Variants in RSRC1 observed in about 807,000 individuals in gnomAD.
RSRC1 encodes the protein arginine and serine rich coiled-coil 1, also known as serine/Arginine-related protein 53.
A neutral mutation model predicts 49.1 loss-of-function variants in RSRC1; 39 were observed. That is an observed-to-expected ratio of 0.79 (90% CI 0.61 to 1.04). RSRC1 has a LOEUF of 1.04. Among genes scored for constraint, RSRC1 ranks in the 50% least tolerant of loss-of-function variants. The probability of loss-of-function intolerance (pLI) is 0.00; values close to 1 mark genes in which losing one functional copy is unlikely to be tolerated. For synonymous variants in RSRC1, 143 were observed against 130.8 expected (o/e 1.09, Z -0.63); for missense variants, 388 against 402.4 (o/e 0.96, Z 0.31).
chr3:158,194,419 A>T (rs1172425007), intron 3 of RSRC1, among the ~76,000 whole-genome samples: 2 of 152,128 alleles, frequency 1.3e-5, no homozygotes, highest in Middle Eastern at 3.4e-3. Flanking sequence ...TTATATTTAT[A>T]AACAGTGTTG....
At chr3:158,469,008 T>G (rs1248440814) in intron 7 of RSRC1, among the ~76,000 whole-genome samples, 1 of 152,150 alleles carries the variant, frequency 6.6e-6, no homozygotes, top group East Asian at 1.9e-4. Context: ...TTTTAAAAGT[T>G]TCTGTGACTC....
chr3:158,275,277 G>A (rs1374191480), intron 4 of RSRC1, among the ~76,000 whole-genome samples: 2 of 152,198 alleles, frequency 1.3e-5, no homozygotes, highest in African/African-American at 4.8e-5. Flanking sequence ...TGTGGAGACA[G>A]AGGCAGTTTT....
intron 7 of RSRC1, among the ~76,000 whole-genome samples, chr3:158,507,841 G>A (rs1021795042): frequency 2.0e-5 from 3 of 152,172 alleles, no homozygotes; most frequent in Admixed American, 1.3e-4. Flanking sequence ...GGGAGGCTGA[G>A]GCAGGAGGAA....
chr3:158,359,962 A>T (rs1731378872), intron 6 of RSRC1, among the ~76,000 whole-genome samples: 1 of 152,042 alleles, frequency 6.6e-6, no homozygotes, highest in South Asian at 2.1e-4. Flanking sequence ...TTCAGCTCTT[A>T]ACAGAGAGTA....
chr3:158,137,655 C>CAT (rs1553760021), intron 3 of RSRC1, among the ~76,000 whole-genome samples: 2 of 138,522 alleles, frequency 1.4e-5, no homozygotes, highest in Non-Finnish European at 3.1e-5. Flanking sequence ...TTTTCTTTTT[C>CAT]TTTTTTTTTT....
At chr3:158,518,136 A>ATATATG (rs1740690486) in intron 7 of RSRC1, among the ~76,000 whole-genome samples, 2 of 85,346 alleles carry the variant, frequency 2.3e-5, no homozygotes, top group African/African-American at 1.4e-4. Context: ...GTATATATAT[A>ATATATG]TATATATATA....
intron 6 of RSRC1, among the ~76,000 whole-genome samples, chr3:158,401,408 T>G (rs1295548877): frequency 6.6e-6 from 1 of 152,054 alleles, no homozygotes; most frequent in Non-Finnish European, 1.5e-5. Flanking sequence ...ACCATTTATT[T>G]CTTTGTTTAT....
intron 6 of RSRC1, among the ~76,000 whole-genome samples, chr3:158,442,636 A>C (rs1288789234): frequency 1.3e-5 from 2 of 152,050 alleles, no homozygotes; most frequent in Non-Finnish European, 2.9e-5. Context: ...ACCCCTGTTA[A>C]TGTTGCTATT....
chr3:158,524,881 A>G (rs1321472395), intron 7 of RSRC1, among the ~76,000 whole-genome samples: 1 of 151,994 alleles, frequency 6.6e-6, no homozygotes, highest in East Asian at 1.9e-4. Flanking sequence ...CACATCATAC[A>G]TAAGAATTAG....
intron 6 of RSRC1, among the ~76,000 whole-genome samples, chr3:158,356,117 G>C (rs965002485): frequency 1.3e-5 from 2 of 151,860 alleles, no homozygotes; most frequent in Non-Finnish European, 2.9e-5. Context: ...GTTGACCGCA[G>C]GTAACTGAAA....
At chr3:158,150,816 A>G (rs564118425) in intron 3 of RSRC1, among the ~76,000 whole-genome samples, 2 of 152,258 alleles carry the variant, frequency 1.3e-5, no homozygotes, top group East Asian at 3.9e-4. Flanking sequence ...ACTGGAACAG[A>G]TCTATATCTA....
intron 7 of RSRC1, among the ~76,000 whole-genome samples, chr3:158,481,977 C>T (rs1018235479): frequency 1.3e-5 from 2 of 151,906 alleles, no homozygotes; most frequent in South Asian, 2.1e-4. Flanking sequence ...ATTATGATTC[C>T]GTAAGGAATC....
intron 1 of RSRC1, among the ~76,000 whole-genome samples, chr3:158,114,291 A>G (rs924026253): frequency 6.6e-6 from 1 of 152,170 alleles, no homozygotes; most frequent in African/African-American, 2.4e-5. Flanking sequence ...AGGTTTGTCA[A>G]AGAACAGATG....
intron 5 of RSRC1, among the ~76,000 whole-genome samples, chr3:158,327,475 T>G (rs997297224): frequency 6.6e-6 from 1 of 152,252 alleles, no homozygotes; most frequent in Non-Finnish European, 1.5e-5. Flanking sequence ...ATTTCTGCCT[T>G]CATTTCATTA....
intron 3 of RSRC1, among the ~76,000 whole-genome samples, chr3:158,149,945 T>A (rs530584301): frequency 1.3e-5 from 2 of 152,352 alleles, no homozygotes; most frequent in South Asian, 4.1e-4. Flanking sequence ...TTTATTCTCA[T>A]TAAAATGCAC....
At chr3:158,320,758 C>G (rs998478953) in intron 5 of RSRC1, among the ~76,000 whole-genome samples, 3 of 152,174 alleles carry the variant, frequency 2.0e-5, no homozygotes, top group African/African-American at 4.8e-5. Context: ...TTTCTGCCTT[C>G]ATAGCCCAGA....
At chr3:158,232,751 C>A (rs930352308) in intron 4 of RSRC1, among the ~76,000 whole-genome samples, 2 of 152,052 alleles carry the variant, frequency 1.3e-5, no homozygotes, top group Non-Finnish European at 2.9e-5. Context: ...GTCACTGAAT[C>A]TAACCAGATA....
intron 6 of RSRC1, among the ~76,000 whole-genome samples, chr3:158,445,661 A>G (rs1361677670): frequency 2.0e-5 from 3 of 152,082 alleles, no homozygotes; most frequent in East Asian, 1.9e-4. Flanking sequence ...CAACAACAAC[A>G]ACGAAAAAAA....
chr3:158,281,767 A>G (rs1726185747), intron 4 of RSRC1, among the ~76,000 whole-genome samples: 1 of 152,230 alleles, frequency 6.6e-6, no homozygotes, highest in African/African-American at 2.4e-5. Flanking sequence ...ATTTGGTAAC[A>G]TGGGGGAACC....
Sources: gnomAD v4.1 joint callset for allele counts (sites outside exome capture counted in the v4.1 genomes callset) on GRCh38, gnomAD v4.1.1 for gene constraint, MANE v1.5 for transcripts, NCBI Gene and HGNC (gene_info 2026-07-23, HGNC 2026-07-21) for gene names.